Variants in DNAJC5B observed in about 807,000 individuals in gnomAD.
The protein encoded by DNAJC5B is dnaJ homolog subfamily C member 5B.
In DNAJC5B, 23 loss-of-function variants were observed where a neutral mutation model predicts 24.7. That is an observed-to-expected ratio of 0.93 (90% CI 0.67 to 1.32). DNAJC5B has a LOEUF of 1.32. Among genes scored for constraint, DNAJC5B ranks in the 40% most tolerant of loss-of-function variants. The pLI, the probability that DNAJC5B is intolerant of heterozygous loss-of-function variation, is 0.00. For missense variants in DNAJC5B, 238 were observed against 240.8 expected, an observed-to-expected ratio of 0.99 and a Z score of 0.08; for synonymous variants, 101 against 90.1, an observed-to-expected ratio of 1.12 and a Z score of -0.68.
At chr8:66,021,414 A>C (rs1389808210), upstream of DNAJC5B, 1 of 152,258 alleles carries the variant, frequency 6.6e-6, no homozygotes, top group East Asian at 1.9e-4. Flanking sequence ...TGTCCTTCCC[A>C]ACCTCCCACC....
At chr8:66,064,833 A>T (rs1737036881) in intron 3 of DNAJC5B, among the ~76,000 whole-genome samples, 1 of 152,144 alleles carries the variant, frequency 6.6e-6, no homozygotes, top group South Asian at 2.1e-4. Flanking sequence ...TTGGTGTTGG[A>T]CATGTATTTT....
chr8:66,069,791 A>T (rs987842206), intron 3 of DNAJC5B, among the ~76,000 whole-genome samples: 1 of 152,274 alleles, frequency 6.6e-6, no homozygotes, highest in African/African-American at 2.4e-5. Context: ...CCCGATGAAC[A>T]TGGATGCAAA....
intron 3 of DNAJC5B, among the ~76,000 whole-genome samples, chr8:66,066,706 A>G (rs1450582000): frequency 2.0e-5 from 3 of 152,034 alleles, no homozygotes; most frequent in African/African-American, 7.3e-5. Context: ...GACATAAGGG[A>G]CTTCGGAGAC....
chr8:66,039,190 C>T (rs1212334526), intron 1 of DNAJC5B, among the ~76,000 whole-genome samples: 1 of 152,130 alleles, frequency 6.6e-6, no homozygotes, highest in East Asian at 1.9e-4. Context: ...AGCAAAGCTC[C>T]GTAATGGGTG....
At chr8:66,082,626 A>T (rs181471756) in intron 5 of DNAJC5B, among the ~76,000 whole-genome samples, 3 of 152,230 alleles carry the variant, frequency 2.0e-5, no homozygotes, top group African/African-American at 7.2e-5. Context: ...ATCCTGTTTG[A>T]CTATGTTAAG....
intron 2 of DNAJC5B, among the ~76,000 whole-genome samples, chr8:66,046,734 C>A (rs1239198806): frequency 1.3e-5 from 2 of 152,244 alleles, no homozygotes; most frequent in East Asian, 3.8e-4. Context: ...TGACAGTATT[C>A]ATCACCATAT....
intron 2 of DNAJC5B, among the ~76,000 whole-genome samples, chr8:66,050,478 C>T (rs1014727847): frequency 2.0e-5 from 3 of 152,120 alleles, no homozygotes; most frequent in Admixed American, 2.0e-4. Context: ...TCAGGCCAGC[C>T]AACAATACCC....
intron 1 of DNAJC5B, among the ~76,000 whole-genome samples, chr8:66,028,363 T>C (rs1456068898): frequency 1.3e-5 from 2 of 152,118 alleles, no homozygotes; most frequent in Non-Finnish European, 1.5e-5. Flanking sequence ...AGAGGAGTCA[T>C]GGAAACACAA....
intron 4 of DNAJC5B, among the ~76,000 whole-genome samples, chr8:66,077,274 G>A (rs1195934277): frequency 6.6e-6 from 1 of 152,112 alleles, no homozygotes; most frequent in Non-Finnish European, 1.5e-5. Flanking sequence ...ACACAATACT[G>A]GGAAGAATGA....
chr8:66,017,383 TG>T (rs1279978288), upstream of DNAJC5B, among the ~76,000 whole-genome samples: 1 of 152,108 alleles, frequency 6.6e-6, no homozygotes, highest in African/African-American at 2.4e-5. Flanking sequence ...TTTGAGAAAA[TG>T]TTATGATTTT....
chr8:66,049,689 G>T (rs983310274), intron 2 of DNAJC5B, among the ~76,000 whole-genome samples: 1 of 152,224 alleles, frequency 6.6e-6, no homozygotes, highest in East Asian at 1.9e-4. Context: ...ATTGTCGGCT[G>T]TGGGTGTTAT....
chr8:66,075,474 G>T (rs539340584), intron 3 of DNAJC5B, among the ~76,000 whole-genome samples: 1 of 151,920 alleles, frequency 6.6e-6, no homozygotes, highest in Non-Finnish European at 1.5e-5. Flanking sequence ...GTAAAAAAAT[G>T]ACAAAAGGCA....
intron 3 of DNAJC5B, among the ~76,000 whole-genome samples, chr8:66,062,282 A>C (rs1198255810): frequency 6.6e-6 from 1 of 152,220 alleles, no homozygotes; most frequent in East Asian, 1.9e-4. Context: ...CTGAACAGGG[A>C]GTTATTCACT....
At chr8:66,099,163 C>CACTTTTGCT (rs1808019773) in intron 5 of DNAJC5B, among the ~76,000 whole-genome samples, 1 of 152,184 alleles carries the variant, frequency 6.6e-6, no homozygotes, top group Admixed American at 6.5e-5. Flanking sequence ...TGAGGTCATT[C>CACTTTTGCT]ACTTTTGCTA....
In DNAJC5B at chr8:66,044,640, A is replaced by C. The variant is rs542955644; in HGVS notation, c.-18+1029A>C. The stretch of plus-strand genomic sequence containing the variant: ...ATCCATTATCAAGAGGCACCTGAGC[A>C]GTACCTGGTTTGGTAGTCACTCTAT... On this transcript the variant is annotated intron_variant, in intron 2 of 5. Coordinates refer to ENST00000276570, the MANE Select transcript of DNAJC5B (RefSeq NM_033105.6). Among the ~76,000 whole-genome samples the C allele has an allele frequency of 2.0e-4, 30 of 152,208 alleles. 1 individual carries two copies. The highest frequency in any genetic ancestry group is 2.6e-4 in the Non-Finnish European group (18 of 68,038).
chr8:66,033,713 T>A (rs973993549), intron 1 of DNAJC5B, among the ~76,000 whole-genome samples: 2 of 151,020 alleles, frequency 1.3e-5, no homozygotes, highest in Middle Eastern at 3.5e-3. Flanking sequence ...CAATTGGTGG[T>A]AACAACTCTC....
Position 66,100,369 on chromosome 8 carries a change from C to T in DNAJC5B, c.*338C>T, listed in dbSNP as rs866784938. On this transcript the variant is annotated 3_prime_UTR_variant, in exon 6 of 6. Transcript: ENST00000276570. ...TTCCTAACTGACCAAAGTAATATTCCAGAACAAAAGCCACTTTTCTTACAT... is the reference window on the plus strand; with the variant it reads ...TTCCTAACTGACCAAAGTAATATTCTAGAACAAAAGCCACTTTTCTTACAT... 5.7e-6 allele frequency: 1 copy of T among 176,444 alleles called. No individual in the cohort carries two copies. Among genetic ancestry groups the T allele is most frequent in the Admixed American group, 6.0e-5 (1 of 16,650 alleles). The allele number at this position is 176,444 out of a possible 1,614,324, so 10.9% of individuals were successfully genotyped here. A position where few individuals can be genotyped will look rare whatever the true frequency, so the allele number is the denominator to read the frequency against.
intron 5 of DNAJC5B, among the ~76,000 whole-genome samples, chr8:66,081,724 G>C (rs1460306453): frequency 1.3e-5 from 2 of 152,118 alleles, no homozygotes; most frequent in African/African-American, 4.8e-5. Context: ...AGGCTTGGGA[G>C]CTTAGAGAGG....
chr8:66,084,383 G>A (rs913354230), intron 5 of DNAJC5B, among the ~76,000 whole-genome samples: 2 of 152,084 alleles, frequency 1.3e-5, no homozygotes, highest in Non-Finnish European at 2.9e-5. Flanking sequence ...TATGACACTG[G>A]GGCTTTAAGA....
Sources: gnomAD v4.1 joint callset for allele counts (sites outside exome capture counted in the v4.1 genomes callset) on GRCh38, gnomAD v4.1.1 for gene constraint, MANE v1.5 for transcripts, NCBI Gene and HGNC (gene_info 2026-07-23, HGNC 2026-07-21) for gene names.